The following ZC3H14 variants were observed in gnomAD, a reference collection of about 807,000 sequenced individuals.
The protein encoded by ZC3H14 is zinc finger CCCH-type containing 14.
Under a neutral mutation model 92.4 loss-of-function variants are expected in ZC3H14, and 31 were observed. The ratio of observed to expected loss-of-function variants is 0.34; its 90% CI spans 0.25 to 0.45. ZC3H14 has a LOEUF of 0.45. Ranked by LOEUF, ZC3H14 falls within the 20% of genes least tolerant of loss-of-function variation. The pLI is 1.00. For missense variants in ZC3H14, 781 were observed against 897.3 expected, an observed-to-expected ratio of 0.87 and a Z score of 1.66; for synonymous variants, 321 against 300.9, an observed-to-expected ratio of 1.07 and a Z score of -0.69.
In ZC3H14 at chr14:88,623,016, A is replaced by AAT; in HGVS notation, c.*11265_*11266insAT. 1 of 169,550 alleles carries AAT rather than the reference A, an allele frequency of 5.9e-6. No individual in the cohort carries two copies. Among genetic ancestry groups the AAT allele is most frequent in the Admixed American group, 8.5e-5 (1 of 11,746 alleles). The allele number at this position is 169,550 out of a possible 1,614,324, so 10.5% of individuals were successfully genotyped here. On this transcript the variant is annotated 3_prime_UTR_variant, in exon 17 of 17. Transcript: ENST00000251038. ...ACAATACATTATCCTCTCTCATAAT[A>AAT]CTTTTTTTTTTTTTTTTAAGATGTA...
Position 88,609,366 on chromosome 14 carries a change from T to C in ZC3H14, c.1968T>C (p.His656=), listed in dbSNP as rs772791047. ...KCTKPDCPFT[H]VSRRIPVLSP... ...CTAAACCAGATTGTCCCTTCACTCA[T>C]GTGAGTAGAAGAATTCCAGTACTGT... is the stretch of plus-strand genomic sequence containing the variant. Residue 656 remains histidine (H), a synonymous_variant, in exon 14 of 17, where the codon CAT becomes CAC. Transcript: ENST00000251038. 72 of 1,613,986 alleles carry C rather than the reference T, an allele frequency of 4.5e-5. No individual in the cohort carries two copies. Among genetic ancestry groups the C allele is most frequent in the Non-Finnish European group, 5.8e-5 (68 of 1,179,988 alleles).
intron 9 of ZC3H14, among the ~76,000 whole-genome samples, chr14:88,592,793 G>A (rs2083316175): frequency 6.6e-6 from 1 of 151,966 alleles, no homozygotes; most frequent in African/African-American, 2.4e-5. Flanking sequence ...GGGCCTCTGT[G>A]CCAGGCCAGG....
chr14:88,594,682 G>T (rs1176767228), intron 9 of ZC3H14: 5 of 1,612,720 alleles, frequency 3.1e-6, no homozygotes, highest in Non-Finnish European at 3.4e-6. Context: ...CAGATTTTAA[G>T]GGAGAGAATT....
rs1328258343 is a variant in ZC3H14 at position 88,578,036 on chromosome 14, A to G, written c.1175A>G (p.Glu392Gly). 1 of 1,614,088 alleles carries G rather than the reference A, an allele frequency of 6.2e-7. No homozygotes were observed. ...GCTCCCAGAACTCGAACTTCTCAAG[A>G]AGAATTGCTAGCAGAAGTGGTCCAG... ...PVAPRTRTSQ[E>G]ELLAEVVQGQ... is the part of the protein sequence containing the mutation. The change falls in exon 9 of 17, where the codon GAA becomes GGA. Residue 392 changes from glutamate to glycine, a missense_variant. Glu to Gly is a moderately conservative substitution (Grantham distance 98). Around this residue, in one of 3 missense-constraint regions of ZC3H14, gnomAD observed 454 missense variants for 438.5 expected, o/e 1.04. Coordinates refer to ENST00000251038, the MANE Select transcript of ZC3H14 (RefSeq NM_024824.5).
chr14:88,626,816 A>G lies in ZC3H14; in HGVS notation c.*15065A>G, dbSNP rs1162837903. 3.1e-6 allele frequency: 5 copies of G among 1,611,320 alleles called. No homozygotes were observed. The African/African-American group carries it at 5.3e-5, about 17-fold the overall frequency. On this transcript the variant is annotated 3_prime_UTR_variant, in exon 17 of 17. Coordinates refer to ENST00000251038, the MANE Select transcript of ZC3H14 (RefSeq NM_024824.5). ...AATGTAAAGTAGTCAAAGTCACACT[A>G]TGTGCATTTTAAGAGACATACTGCA...
At chr14:88,584,416 A>G (rs1350327760) in intron 9 of ZC3H14, among the ~76,000 whole-genome samples, 1 of 152,250 alleles carries the variant, frequency 6.6e-6, no homozygotes, top group Non-Finnish European at 1.5e-5. Flanking sequence ...AACATTTACT[A>G]TCTTAAAACA....
In ZC3H14 at chr14:88,620,461, AGTGGG is replaced by A. The variant is rs2088689526; in HGVS notation, c.*8711_*8715del. The A allele has an allele frequency of 4.0e-6, 1 of 250,136 alleles. No homozygotes were observed. Among genetic ancestry groups the A allele is most frequent in the Non-Finnish European group, 7.5e-6 (1 of 133,136 alleles). The allele number at this position is 250,136 out of a possible 1,614,324, so 15.5% of individuals were successfully genotyped here. ...AGGGCAGATAGCTCTCTTGTATTACAGTGGGAGATACCTCTTGGTGGGATGAACTT... is the reference window on the plus strand; with the variant it reads ...AGGGCAGATAGCTCTCTTGTATTACAAGATACCTCTTGGTGGGATGAACTT... On this transcript the variant is annotated 3_prime_UTR_variant, in exon 17 of 17. Coordinates refer to ENST00000251038, the MANE Select transcript of ZC3H14 (RefSeq NM_024824.5). This position sits in a 1 kb window ranked among gnomAD's most constrained non-coding sequence, Gnocchi z 4.3.
chr14:88,620,459 A>AC lies in ZC3H14; in HGVS notation c.*8709dup, dbSNP rs2088688566. 4.1e-6 allele frequency: 1 copy of AC among 246,072 alleles called. No individual in the cohort carries two copies. The highest frequency in any genetic ancestry group is 7.7e-6 in the Non-Finnish European group (1 of 130,552). 15.2% of individuals were successfully genotyped at this position (246,072 alleles called of 1,614,324 possible). A position where few individuals can be genotyped will look rare whatever the true frequency, so the allele number is the denominator to read the frequency against. On this transcript the variant is annotated 3_prime_UTR_variant, in exon 17 of 17. Transcript: ENST00000251038. The surrounding 1 kb of genome is among the most constrained non-coding windows in gnomAD (Gnocchi z 4.3). Reference sequence around the variant, plus strand: ...GAAGGGCAGATAGCTCTCTTGTATTACAGTGGGAGATACCTCTTGGTGGGA... The same window carrying AC: ...GAAGGGCAGATAGCTCTCTTGTATTACCAGTGGGAGATACCTCTTGGTGGGA...
In ZC3H14 at chr14:88,620,990, T is replaced by C. The variant is rs2088815239; in HGVS notation, c.*9239T>C. ...CATTAAGTGAAGTACTTCTAAATTA[T>C]ACCAGTTTCCCCTCAAAATGCTCAA... On this transcript the variant is annotated 3_prime_UTR_variant, in exon 17 of 17. Coordinates refer to ENST00000251038, the MANE Select transcript of ZC3H14 (RefSeq NM_024824.5). The surrounding 1 kb of genome is among the most constrained non-coding windows in gnomAD (Gnocchi z 4.3). 2.0e-6 allele frequency: 3 copies of C among 1,469,296 alleles called. No individual in the cohort carries two copies. The highest frequency in any genetic ancestry group is 2.8e-5 in the Admixed American group (1 of 36,144). 91.0% of individuals were successfully genotyped at this position (1,469,296 alleles called of 1,614,324 possible).
intron 9 of ZC3H14, among the ~76,000 whole-genome samples, chr14:88,587,424 C>T (rs1255650350): frequency 6.6e-6 from 1 of 152,084 alleles, no homozygotes; most frequent in Non-Finnish European, 1.5e-5. Context: ...CCTTGTCCTC[C>T]CAAAGTGCTG....
chr14:88,586,001 C>T (rs557831125), intron 9 of ZC3H14, among the ~76,000 whole-genome samples: 1 of 152,234 alleles, frequency 6.6e-6, no homozygotes, highest in East Asian at 1.9e-4. Context: ...AACCCTGTCT[C>T]TACTAAAAAT....
At chr14:88,581,465 C>G (rs977005703) in intron 9 of ZC3H14, among the ~76,000 whole-genome samples, 2 of 151,880 alleles carry the variant, frequency 1.3e-5, no homozygotes, top group Non-Finnish European at 2.9e-5. Context: ...GGAGGCTGAG[C>G]CAGGAGAATC....
Position 88,618,968 on chromosome 14 carries a change from T to G in ZC3H14, c.*7217T>G. The G allele has an allele frequency of 1.7e-6, 1 of 573,112 alleles. No homozygotes were observed. Among genetic ancestry groups the G allele is most frequent in the African/African-American group, 1.9e-5 (1 of 52,516 alleles). 35.5% of individuals were successfully genotyped at this position (573,112 alleles called of 1,614,324 possible). On this transcript the variant is annotated 3_prime_UTR_variant, in exon 17 of 17. Transcript: ENST00000251038. ...CACAACTGATCATGTATACTGAGAT[T>G]GTCTGGGTTACATGAAATAAGGAAG...
intron 9 of ZC3H14, among the ~76,000 whole-genome samples, chr14:88,594,112 G>T (rs1445721762): frequency 6.6e-6 from 1 of 152,062 alleles, no homozygotes; most frequent in Admixed American, 6.6e-5. Context: ...CCCTCCAGAG[G>T]ATTTGTCACT....
chr14:88,591,473 A>G (rs1303850244), intron 9 of ZC3H14: 2 of 152,120 alleles, frequency 1.3e-5, no homozygotes, highest in East Asian at 3.9e-4. Flanking sequence ...AAACCCAAAG[A>G]TCATAGGGTA....
intron 3 of ZC3H14, among the ~76,000 whole-genome samples, chr14:88,568,873 T>C (rs2080031911): frequency 6.6e-6 from 1 of 152,208 alleles, no homozygotes; most frequent in Non-Finnish European, 1.5e-5. Context: ...AATATGTTTC[T>C]TTTGTAAACT....
At chr14:88,566,574 T>G (rs1456736318) in intron 2 of ZC3H14, among the ~76,000 whole-genome samples, 1 of 152,200 alleles carries the variant, frequency 6.6e-6, no homozygotes, top group East Asian at 1.9e-4. Context: ...AAAAAAGTAC[T>G]TCTGAAATGA....
rs771488484 is a variant in ZC3H14, at chr14:88,618,375, G to C, written c.*6624G>C. 6 of 1,550,578 alleles carry C rather than the reference G, an allele frequency of 3.9e-6. No homozygotes were observed. Among genetic ancestry groups the C allele is most frequent in the Non-Finnish European group, 4.4e-6 (5 of 1,125,906 alleles). Reference sequence around the variant, plus strand: ...ATGGGACAAGAATTCCATTAGGTGAGAGACAAAATCCACAGGGGGTTTACA... The same window carrying C: ...ATGGGACAAGAATTCCATTAGGTGACAGACAAAATCCACAGGGGGTTTACA... On this transcript the variant is annotated 3_prime_UTR_variant, in exon 17 of 17. Transcript: ENST00000251038.
rs138054594 is a variant in ZC3H14 at position 88,594,328 on chromosome 14, G to A, written c.1280-2406G>A. On this transcript the variant is annotated intron_variant, in intron 9 of 16. Coordinates refer to ENST00000251038, the MANE Select transcript of ZC3H14 (RefSeq NM_024824.5). The stretch of plus-strand genomic sequence containing the variant: ...CTCTCATCATATGAAGTAAATAATA[G>A]AAAATTCTTTGTGTGACACATGTCT... 585 of 925,808 alleles carry A rather than the reference G, an allele frequency of 6.3e-4. 5 individuals are homozygous for A. In the African/African-American group the frequency reaches 1.0e-2, roughly 16 times the overall value. 57.3% of individuals were successfully genotyped at this position (925,808 alleles called of 1,614,324 possible).
Sources: allele counts gnomAD v4.1 joint callset (sites outside exome capture counted in the v4.1 genomes callset), GRCh38; gene constraint gnomAD v4.1.1; regional missense constraint gnomAD v4.1.1; non-coding constraint Gnocchi (gnomAD v3.1); transcripts MANE v1.5; gene names NCBI Gene and HGNC (gene_info 2026-07-23, HGNC 2026-07-21).